CSGALNACT1: variants seen among roughly 807,000 people sequenced by gnomAD.
CSGALNACT1 encodes beta4GalNAcT-1.
Under a neutral mutation model 51.0 loss-of-function variants are expected in CSGALNACT1, and 52 were observed. The observed-to-expected ratio is 1.02, with a 90% CI of 0.82 to 1.29. The LOEUF (loss-of-function observed/expected upper bound fraction) is 1.29, where lower values mean the gene tolerates loss of function less well. CSGALNACT1 is among the 50% of genes most tolerant of loss of function. The pLI is 0.00. For missense variants in CSGALNACT1, 935 were observed against 679.2 expected, an observed-to-expected ratio of 1.38 and a Z score of -4.19; for synonymous variants, 341 against 254.4, an observed-to-expected ratio of 1.34 and a Z score of -3.24.
At chr8:19,727,211 A>G (rs1033497452) in intron 1 of CSGALNACT1, among the ~76,000 whole-genome samples, 2 of 152,226 alleles carry the variant, frequency 1.3e-5, no homozygotes, top group Non-Finnish European at 2.9e-5. Flanking sequence ...GATGATGAGC[A>G]GCATGAAGGA....
chr8:19,504,557 C>A (rs369418601), intron 4 of CSGALNACT1, among the ~76,000 whole-genome samples: 29 of 152,274 alleles, frequency 1.9e-4, no homozygotes, highest in African/African-American at 6.7e-4. Flanking sequence ...CAAATTAATA[C>A]TAGGCTGTCC....
intron 1 of CSGALNACT1, among the ~76,000 whole-genome samples, chr8:19,615,522 A>G (rs2052881857): frequency 6.6e-6 from 1 of 152,276 alleles, no homozygotes; most frequent in Non-Finnish European, 1.5e-5. Flanking sequence ...TGTGTCTTCC[A>G]AATCGTAAGA....
intron 1 of CSGALNACT1, among the ~76,000 whole-genome samples, chr8:19,753,217 G>A (rs1320536493): frequency 6.6e-6 from 1 of 152,130 alleles, no homozygotes; most frequent in Non-Finnish European, 1.5e-5. Flanking sequence ...CTTTTCATGT[G>A]CGCAGAATCC....
Position 19,667,100 on chromosome 8 carries a change from G to GAGAGA in CSGALNACT1, c.-544+15372_-544+15373insTCTCT, listed in dbSNP as rs1386376643. 1.4e-3 allele frequency among the ~76,000 whole-genome samples: 75 copies of GAGAGA among 54,138 alleles called. 9 individuals are homozygous for GAGAGA. Among genetic ancestry groups the GAGAGA allele is most frequent in the Middle Eastern group, 9.8e-3 (1 of 102 alleles). 35.5% of individuals were successfully genotyped at this position (54,138 alleles called of 152,430 possible). The stretch of plus-strand genomic sequence containing the variant: ...GAAAGAAAGAAAGAAAGAAAGAAAG[G>GAGAGA]GAAAGAAATCTCATCACAATATCAA... On this transcript the variant is annotated intron_variant, in intron 1 of 9. Transcript: ENST00000332246.
chr8:19,653,665 A>T (rs2058021846), intron 1 of CSGALNACT1, among the ~76,000 whole-genome samples: 1 of 152,100 alleles, frequency 6.6e-6, no homozygotes, highest in Admixed American at 6.5e-5. Flanking sequence ...GTGGTGACAC[A>T]CATCTGTAGT....
rs372921330 is a variant in CSGALNACT1 at position 19,674,429 on chromosome 8, G to A, written c.-544+8044C>T. On this transcript the variant is annotated intron_variant, in intron 1 of 9. Transcript: ENST00000332246. ...GATAATCCTGCAGATATGGTGGCAG[G>A]GGGGAAGACGGAAGAAGGAAAAAGA... Among the ~76,000 whole-genome samples, 3 of 152,172 alleles carry A rather than the reference G, an allele frequency of 2.0e-5. No homozygotes were observed. In the South Asian group the frequency reaches 6.2e-4, roughly 31 times the overall value.
chr8:19,553,091 AT>A (rs1355864344), intron 3 of CSGALNACT1, among the ~76,000 whole-genome samples: 4 of 152,204 alleles, frequency 2.6e-5, no homozygotes, highest in African/African-American at 9.6e-5. Context: ...TAGTACAGAA[AT>A]TTGAGCCTGG....
chr8:19,492,369 T>C (rs1308763256), intron 4 of CSGALNACT1, among the ~76,000 whole-genome samples: 1 of 152,258 alleles, frequency 6.6e-6, no homozygotes, highest in African/African-American at 2.4e-5. Context: ...TGAATGTTTG[T>C]TGAGTAATTA....
intron 6 of CSGALNACT1, among the ~76,000 whole-genome samples, chr8:19,439,306 A>G (rs1309467111): frequency 6.6e-6 from 1 of 152,234 alleles, no homozygotes; most frequent in Non-Finnish European, 1.5e-5. Context: ...AGTTTGATCA[A>G]GGATCCTGCC....
At chr8:19,480,473 C>T (rs913575222) in intron 4 of CSGALNACT1, among the ~76,000 whole-genome samples, 8 of 152,150 alleles carry the variant, frequency 5.3e-5, no homozygotes, top group African/African-American at 1.4e-4. Flanking sequence ...CTGCATAGTA[C>T]GCCATGGTAT....
At chr8:19,716,930 C>T (rs921025640) in intron 1 of CSGALNACT1, among the ~76,000 whole-genome samples, 1 of 152,152 alleles carries the variant, frequency 6.6e-6, no homozygotes, top group African/African-American at 2.4e-5. Flanking sequence ...TTATATATGA[C>T]TAAGGGTCTG....
chr8:19,582,375 A>G (rs1368022019), intron 3 of CSGALNACT1, among the ~76,000 whole-genome samples: 3 of 152,230 alleles, frequency 2.0e-5, no homozygotes, highest in Non-Finnish European at 4.4e-5. Flanking sequence ...GCAAAACTGT[A>G]TGGTCCAAGT....
intron 4 of CSGALNACT1, among the ~76,000 whole-genome samples, chr8:19,489,504 C>A (rs1587068504): frequency 6.6e-6 from 1 of 152,158 alleles, no homozygotes; most frequent in South Asian, 2.1e-4. Flanking sequence ...TTCTTCCTAT[C>A]CCCTCTGTGA....
intron 1 of CSGALNACT1, among the ~76,000 whole-genome samples, chr8:19,658,334 T>C (rs2058471002): frequency 2.0e-5 from 3 of 152,174 alleles, no homozygotes; most frequent in African/African-American, 7.2e-5. Context: ...GTTATGGTAT[T>C]TTGTAAGCCC....
chr8:19,667,016 A>G (rs200302311), intron 1 of CSGALNACT1, among the ~76,000 whole-genome samples: 11,219 of 40,782 alleles, frequency 0.28, 1,670 homozygotes, highest in Middle Eastern at 0.37. Context: ...AGAAAGAAAG[A>G]AAGGAAGGAA....
intron 3 of CSGALNACT1, among the ~76,000 whole-genome samples, chr8:19,559,474 A>G (rs1564046826): frequency 6.6e-6 from 1 of 152,182 alleles, no homozygotes; most frequent in African/African-American, 2.4e-5. Flanking sequence ...ATTAAAACCT[A>G]GCCAGTGTAT....
exon 10 of CSGALNACT1, chr8:19,405,917 C>G (rs146677046): frequency 6.2e-7 from 1 of 1,614,060 alleles, no homozygotes; most frequent in African/African-American, 1.3e-5. Flanking sequence ...TTGTACTGCT[C>G]GGGGGTCAGC....
chr8:19,532,473 G>T lies in CSGALNACT1; in HGVS notation c.-296-26343C>A, dbSNP rs550530147. Among the ~76,000 whole-genome samples the T allele has an allele frequency of 4.6e-5, 7 of 152,202 alleles. No homozygotes were observed. The South Asian group carries it at 1.5e-3, about 32-fold the overall frequency. ...TTCCCTTAAACATCTCTCTGCTTTA[G>T]GTTCCTATCATGACAAAAGAGCTCC... On this transcript the variant is annotated intron_variant, in intron 3 of 9. Coordinates refer to ENST00000454498, the Ensembl canonical transcript of CSGALNACT1.
At chr8:19,605,288 T>G (rs983466125), upstream of CSGALNACT1, among the ~76,000 whole-genome samples, 1 of 151,958 alleles carries the variant, frequency 6.6e-6, no homozygotes, top group Non-Finnish European at 1.5e-5. Context: ...ATACAAAAAT[T>G]AGCCGGGCAT....
Sources: allele counts gnomAD v4.1 joint callset (sites outside exome capture counted in the v4.1 genomes callset), GRCh38; gene constraint gnomAD v4.1.1; transcripts MANE v1.5; gene names NCBI Gene and HGNC (gene_info 2026-07-23, HGNC 2026-07-21).